PTPRT: variants seen among roughly 807,000 people sequenced by gnomAD.
PTPRT encodes protein tyrosine phosphatase receptor type T.
Under a neutral mutation model 176.8 loss-of-function variants are expected in PTPRT, and 56 were observed. The ratio of observed to expected loss-of-function variants is 0.32; its 90% CI spans 0.26 to 0.40. PTPRT has a LOEUF of 0.40. Among genes scored for constraint, PTPRT ranks in the 10% least tolerant of loss-of-function variants. The pLI is 1.00. For synonymous variants in PTPRT, 783 were observed against 739.0 expected (o/e 1.06, Z -0.96); for missense variants, 1,540 against 1,908.2 (o/e 0.81, Z 3.60).
intron 14 of PTPRT, among the ~76,000 whole-genome samples, chr20:42,236,707 G>A (rs771012790): frequency 6.6e-6 from 1 of 151,010 alleles, no homozygotes; most frequent in Non-Finnish European, 1.5e-5. Flanking sequence ...TGTGATCTAA[G>A]CAACACCAAA....
chr20:42,943,223 TCA>T (rs1183726799), intron 1 of PTPRT, among the ~76,000 whole-genome samples: 2 of 152,178 alleles, frequency 1.3e-5, no homozygotes, highest in Non-Finnish European at 2.9e-5. Context: ...TGGGAAAATG[TCA>T]CAGTGTGGAA....
chr20:42,778,167 T>TG (rs1043346783), intron 4 of PTPRT, among the ~76,000 whole-genome samples: 1 of 152,124 alleles, frequency 6.6e-6, no homozygotes, highest in Non-Finnish European at 1.5e-5. Context: ...CATGAGACTT[T>TG]GGGGGGTGGA....
chr20:42,464,662 T>C (rs916006559), intron 8 of PTPRT, among the ~76,000 whole-genome samples: 6 of 152,358 alleles, frequency 3.9e-5, no homozygotes, highest in Admixed American at 3.3e-4. Context: ...TCAAATGTAC[T>C]GAGCTCTAAT....
At chr20:43,158,789 G>A (rs1230740767) in intron 1 of PTPRT, among the ~76,000 whole-genome samples, 1 of 152,178 alleles carries the variant, frequency 6.6e-6, no homozygotes, top group African/African-American at 2.4e-5. Flanking sequence ...TCTAGAAGAA[G>A]AATCTTGGCT....
At chr20:42,775,172 C>G (rs2077117439) in intron 4 of PTPRT, among the ~76,000 whole-genome samples, 1 of 152,208 alleles carries the variant, frequency 6.6e-6, no homozygotes, top group African/African-American at 2.4e-5. Flanking sequence ...TAACAGAAGA[C>G]TGGCTGTGCA....
At chr20:42,705,868 A>C (rs1248639982) in intron 6 of PTPRT, among the ~76,000 whole-genome samples, 1 of 152,168 alleles carries the variant, frequency 6.6e-6, no homozygotes, top group Non-Finnish European at 1.5e-5. Flanking sequence ...CATTTAGTAC[A>C]TGTTAGCTAT....
chr20:42,690,706 A>T (rs1339655498), intron 6 of PTPRT, among the ~76,000 whole-genome samples: 1 of 152,212 alleles, frequency 6.6e-6, no homozygotes, highest in African/African-American at 2.4e-5. Flanking sequence ...ACTTTCACTT[A>T]CAAAGGGAAG....
rs1036157566 is a variant in PTPRT, at chr20:42,677,949, T to G, written c.1070A>C (p.Glu357Ala). ...TGGTCGTGTGAGGAGCACTCGGATCTCATACTCAACATCGGGGTCCAGATG... is the reference window on the plus strand; with the variant it reads ...TGGTCGTGTGAGGAGCACTCGGATCGCATACTCAACATCGGGGTCCAGATG... ...LWHLDPDVEY[E>A]IRVLLTRPGE... is the part of the protein sequence containing the mutation. Residue 357 changes from glutamate to alanine, a missense_variant, in exon 7 of 31, where the codon GAG becomes GCG. Coordinates refer to ENST00000373187, the MANE Select transcript of PTPRT (RefSeq NM_007050.6). 7 of 1,614,048 alleles carry G rather than the reference T, an allele frequency of 4.3e-6. No individual in the cohort carries two copies. The African/African-American group carries it at 8.0e-5, about 18-fold the overall frequency.
intron 2 of PTPRT, among the ~76,000 whole-genome samples, chr20:42,828,302 C>G (rs751761411): frequency 6.6e-6 from 1 of 152,132 alleles, no homozygotes; most frequent in Non-Finnish European, 1.5e-5. Flanking sequence ...AACTTTGAAA[C>G]TGAGAGAGAT....
intron 9 of PTPRT, among the ~76,000 whole-genome samples, chr20:42,398,968 T>C (rs1410553103): frequency 6.6e-6 from 1 of 152,238 alleles, no homozygotes; most frequent in Non-Finnish European, 1.5e-5. Flanking sequence ...GTTAGGACAC[T>C]GATTCTCTTC....
chr20:42,778,626 A>G (rs1236596419), intron 4 of PTPRT, among the ~76,000 whole-genome samples: 1 of 152,206 alleles, frequency 6.6e-6, no homozygotes, highest in Non-Finnish European at 1.5e-5. Flanking sequence ...GATTGAGCGC[A>G]TGCAATTAAA....
At chr20:42,715,251 A>G (rs1413137062) in intron 6 of PTPRT, among the ~76,000 whole-genome samples, 1 of 152,218 alleles carries the variant, frequency 6.6e-6, no homozygotes, top group East Asian at 1.9e-4. Flanking sequence ...ACAGCAAACT[A>G]TCTACCATTC....
At chr20:42,734,317 G>A (rs899919209) in intron 6 of PTPRT, among the ~76,000 whole-genome samples, 7 of 152,138 alleles carry the variant, frequency 4.6e-5, no homozygotes, top group African/African-American at 1.7e-4. Context: ...GTAAAATAAA[G>A]GCATATAAAG....
At chr20:42,044,076 C>T in the PTPRT span, among the ~76,000 whole-genome samples, 3 of 152,146 alleles carry the variant, frequency 2.0e-5, no homozygotes, top group Non-Finnish European at 4.4e-5. Context: ...TAGGCATTGT[C>T]CTGGTCCTCA....
intron 1 of PTPRT, among the ~76,000 whole-genome samples, chr20:42,983,595 G>A (rs777293627): frequency 6.6e-6 from 1 of 152,182 alleles, no homozygotes; most frequent in Non-Finnish European, 1.5e-5. Flanking sequence ...CAGGTCCTGG[G>A]CTCCTCCTGG....
intron 19 of PTPRT, among the ~76,000 whole-genome samples, chr20:42,123,672 G>T (rs1270612096): frequency 6.6e-6 from 1 of 152,086 alleles, no homozygotes; most frequent in Non-Finnish European, 1.5e-5. Context: ...TCAGAGATAG[G>T]GATCACATGT....
intron 3 of PTPRT, among the ~76,000 whole-genome samples, chr20:42,790,823 T>C (rs932752494): frequency 6.6e-6 from 1 of 152,146 alleles, no homozygotes; most frequent in Admixed American, 6.5e-5. Context: ...CTTTTACGAG[T>C]TATTTCATCT....
At chr20:42,495,948 T>C (rs1049293346) in intron 7 of PTPRT, among the ~76,000 whole-genome samples, 9 of 152,176 alleles carry the variant, frequency 5.9e-5, no homozygotes, top group African/African-American at 2.2e-4. Flanking sequence ...AAAACTTTCC[T>C]ACTCTTGACC....
At chr20:42,120,590 C>T (rs1987537573) in intron 19 of PTPRT, among the ~76,000 whole-genome samples, 1 of 152,184 alleles carries the variant, frequency 6.6e-6, no homozygotes, top group Non-Finnish European at 1.5e-5. Context: ...TTTCTAATTT[C>T]TCTGTACATT....
Sources: gnomAD v4.1 joint callset for allele counts (sites outside exome capture counted in the v4.1 genomes callset) on GRCh38, gnomAD v4.1.1 for gene constraint, MANE v1.5 for transcripts, NCBI Gene and HGNC (gene_info 2026-07-23, HGNC 2026-07-21) for gene names.